LUZP2: variants seen among roughly 807,000 people sequenced by gnomAD.
LUZP2 encodes leucine zipper protein 2.
LUZP2 carries 52 observed loss-of-function variants against 51.6 expected under a neutral mutation model. The ratio of observed to expected loss-of-function variants is 1.01; its 90% confidence interval spans 0.81 to 1.27. LUZP2 has a LOEUF of 1.27. LUZP2 is among the 50% of genes most tolerant of loss of function. The pLI is 0.00. For synonymous variants in LUZP2, 154 were observed against 137.3 expected, an observed-to-expected ratio of 1.12 and a Z score of -0.85; for missense variants, 436 against 395.4, an observed-to-expected ratio of 1.10 and a Z score of -0.87.
intron 6 of LUZP2, among the ~76,000 whole-genome samples, chr11:24,909,263 A>T (rs1853552069): frequency 1.3e-5 from 2 of 152,016 alleles, no homozygotes; most frequent in Admixed American, 1.3e-4. Flanking sequence ...TGATGTTTTG[A>T]TAATAATTCC....
At chr11:24,678,700 G>C (rs957319681) in intron 1 of LUZP2, among the ~76,000 whole-genome samples, 2 of 152,232 alleles carry the variant, frequency 1.3e-5, no homozygotes, top group Non-Finnish European at 2.9e-5. Context: ...TTTAATACAT[G>C]CCTATTAACT....
chr11:24,543,479 G>T (rs1851441633), intron 1 of LUZP2, among the ~76,000 whole-genome samples: 1 of 151,996 alleles, frequency 6.6e-6, no homozygotes. Context: ...AGAGATGCAG[G>T]GCTTCTCAAC....
chr11:25,045,779 A>G (rs1162403233), intron 9 of LUZP2, among the ~76,000 whole-genome samples: 1 of 140,046 alleles, frequency 7.1e-6, no homozygotes, highest in African/African-American at 2.6e-5. Flanking sequence ...TTTATGGTAA[A>G]ACACTATCTC....
chr11:24,869,092 G>A (rs1346172344), intron 5 of LUZP2, among the ~76,000 whole-genome samples: 1 of 152,112 alleles, frequency 6.6e-6, no homozygotes, highest in Admixed American at 6.6e-5. Context: ...CTTCCTTCAG[G>A]AGTTTTGAGA....
intron 5 of LUZP2, among the ~76,000 whole-genome samples, chr11:24,769,146 A>G (rs1860304578): frequency 6.6e-6 from 1 of 152,212 alleles, no homozygotes; most frequent in African/African-American, 2.4e-5. Flanking sequence ...AGAAGGACAA[A>G]TACTGCATGA....
chr11:24,568,690 G>A (rs549389620), intron 1 of LUZP2, among the ~76,000 whole-genome samples: 275 of 151,924 alleles, frequency 1.8e-3, no homozygotes, highest in African/African-American at 6.4e-3. Flanking sequence ...TTACAAATAG[G>A]TTTTATTCTA....
Position 24,922,825 on chromosome 11 carries a change from C to CTTTTT in LUZP2, c.522+8294_522+8298dup, listed in dbSNP as rs1277388215. Among the ~76,000 whole-genome samples the CTTTTT allele has an allele frequency of 4.9e-4, 22 of 44,624 alleles. 4 individuals are homozygous for CTTTTT. Among genetic ancestry groups the CTTTTT allele is most frequent in the African/African-American group, 8.7e-4 (19 of 21,930 alleles). The allele number at this position is 44,624 out of a possible 152,430, so 29.3% of individuals were successfully genotyped here. On this transcript the variant is annotated intron_variant, in intron 7 of 11. Coordinates refer to ENST00000336930, the MANE Select transcript of LUZP2 (RefSeq NM_001009909.4). ...GGACTACCAAGTGGCACAGTTATATCTTTTTTTTTTTCTTTTTTTTTTTTT... is the reference window on the plus strand; with the variant it reads ...GGACTACCAAGTGGCACAGTTATATCTTTTTTTTTTTTTTTTCTTTTTTTTTTTTT...
chr11:24,664,362 G>A (rs1856139514), intron 1 of LUZP2, among the ~76,000 whole-genome samples: 1 of 152,130 alleles, frequency 6.6e-6, no homozygotes, highest in Non-Finnish European at 1.5e-5. Flanking sequence ...AGAGGAAACA[G>A]AGTATACAAG....
intron 9 of LUZP2, among the ~76,000 whole-genome samples, chr11:24,998,817 T>G (rs1856588217): frequency 6.6e-6 from 1 of 152,168 alleles, no homozygotes; most frequent in Non-Finnish European, 1.5e-5. Flanking sequence ...CTTTCATTTT[T>G]TTTTGTTTTT....
intron 10 of LUZP2, among the ~76,000 whole-genome samples, chr11:25,055,499 A>G (rs1030398655): frequency 1.0e-4 from 15 of 150,264 alleles, no homozygotes; most frequent in Non-Finnish European, 1.8e-4. Flanking sequence ...TTGTATATTG[A>G]TCTATCAGAT....
chr11:24,991,586 G>C (rs375199606), intron 9 of LUZP2, among the ~76,000 whole-genome samples: 1 of 151,924 alleles, frequency 6.6e-6, no homozygotes, highest in East Asian at 1.9e-4. Flanking sequence ...TAGGTAGCCA[G>C]TAATGGAATT....
chr11:24,902,406 G>C (rs963504314), intron 5 of LUZP2, among the ~76,000 whole-genome samples: 2 of 152,118 alleles, frequency 1.3e-5, no homozygotes, highest in Non-Finnish European at 2.9e-5. Flanking sequence ...GAGAAATCCG[G>C]AGAAAATAAA....
chr11:24,544,260 G>A (rs80275147), intron 1 of LUZP2, among the ~76,000 whole-genome samples: 1,736 of 152,096 alleles, frequency 0.011, 33 homozygotes, highest in African/African-American at 0.04. Context: ...CAGCCTAGTA[G>A]TGGTAGGCTA....
chr11:24,738,032 G>T (rs1429236735), intron 3 of LUZP2, among the ~76,000 whole-genome samples, 189 bp from the exon 4 acceptor site: 1 of 151,924 alleles, frequency 6.6e-6, no homozygotes, highest in African/African-American at 2.4e-5. Context: ...TTTAATATTT[G>T]CATGGGAGAG....
At chr11:24,701,081 A>G (rs1324621281) in intron 1 of LUZP2, among the ~76,000 whole-genome samples, 1 of 152,214 alleles carries the variant, frequency 6.6e-6, no homozygotes, top group Admixed American at 6.5e-5. Flanking sequence ...GTGTTGCTAT[A>G]CAGAAATACC....
intron 5 of LUZP2, chr11:24,892,292 T>A (rs1852883753): frequency 1.0e-6 from 1 of 985,308 alleles, no homozygotes; most frequent in Non-Finnish European, 1.2e-6. Context: ...AAGGAGCACC[T>A]GAAGACTTGT....
At chr11:24,838,541 C>T (rs968589474) in intron 5 of LUZP2, among the ~76,000 whole-genome samples, 6 of 151,584 alleles carry the variant, frequency 4.0e-5, no homozygotes, top group Middle Eastern at 3.4e-3. Flanking sequence ...TATTGTACGC[C>T]GTGGGAGTAA....
intron 1 of LUZP2, among the ~76,000 whole-genome samples, chr11:24,606,132 A>G (rs955289527): frequency 6.6e-6 from 1 of 151,808 alleles, no homozygotes; most frequent in African/African-American, 2.4e-5. Context: ...ATATATATAT[A>G]CCACACATTT....
intron 1 of LUZP2, among the ~76,000 whole-genome samples, chr11:24,579,796 AT>A (rs1393313900): frequency 3.9e-5 from 6 of 152,226 alleles, no homozygotes; most frequent in Admixed American, 6.5e-5. Flanking sequence ...CAAATCATAC[AT>A]TATAATTCTT....
Sources: gnomAD v4.1 joint callset for allele counts (sites outside exome capture counted in the v4.1 genomes callset) on GRCh38, gnomAD v4.1.1 for gene constraint, MANE v1.5 for transcripts, NCBI Gene and HGNC (gene_info 2026-07-23, HGNC 2026-07-21) for gene names.